ZNF407: variants seen among roughly 807,000 people sequenced by gnomAD.
The protein encoded by ZNF407 is zinc finger protein 407.
A neutral mutation model predicts 131.2 loss-of-function variants in ZNF407; 17 were observed. The observed-to-expected ratio is 0.13, with a 90% CI of 0.09 to 0.19. The LOEUF is 0.19. Among genes scored for constraint, ZNF407 ranks in the 10% least tolerant of loss-of-function variants. The pLI is 1.00. For missense variants in ZNF407, 2,681 were observed against 2,830.6 expected (o/e 0.95, Z 1.20); for synonymous variants, 1,156 against 1,062.0 (o/e 1.09, Z -1.72).
intron 8 of ZNF407, among the ~76,000 whole-genome samples, chr18:74,939,269 A>G (rs1180225985): frequency 1.3e-5 from 2 of 152,208 alleles, no homozygotes; most frequent in Non-Finnish European, 2.9e-5. Context: ...TTGAAATATT[A>G]CACCTGAAAT....
At chr18:75,012,354 T>TGTATGTACACATAGTGTATGTACACAC (rs1972987299) in intron 8 of ZNF407, among the ~76,000 whole-genome samples, 1 of 97,492 alleles carries the variant, frequency 1.0e-5, no homozygotes, top group East Asian at 3.0e-4. Context: ...TATGTACACA[T>TGTATGTACACATAGTGTATGTACACAC]AGTGTATGTA....
At position 74,719,920 on chromosome 18, in the gene ZNF407, A is replaced by AT. The variant is rs1244149722; in HGVS notation, c.4803-61507dup. 6.6e-5 allele frequency among the ~76,000 whole-genome samples: 10 copies of AT among 152,160 alleles called. No individual in the cohort carries two copies. The South Asian group carries it at 2.1e-3, about 32-fold the overall frequency. On this transcript the variant is annotated intron_variant, in intron 3 of 8. Coordinates refer to ENST00000299687, the MANE Select transcript of ZNF407 (RefSeq NM_017757.3). ...CATTCATCTGTTGTTGGGCACCTTT[A>AT]TGTCTTGGCTATTGTGAATAGTGGT...
At chr18:74,800,624 A>C (rs1970003574) in intron 4 of ZNF407, among the ~76,000 whole-genome samples, 1 of 152,166 alleles carries the variant, frequency 6.6e-6, no homozygotes. Flanking sequence ...AATTATACGA[A>C]GATAATTGTT....
At chr18:74,939,208 C>T (rs1035248625) in intron 8 of ZNF407, among the ~76,000 whole-genome samples, 2 of 152,088 alleles carry the variant, frequency 1.3e-5, no homozygotes, top group Admixed American at 1.3e-4. Flanking sequence ...CATTTACATT[C>T]CACTTTACTC....
rs999626478 is a variant in ZNF407, at chr18:74,633,793, G to T, written c.2774G>T (p.Gly925Val). The stretch of plus-strand genomic sequence containing the variant: ...TCAGATATCATTGTTGGCCCTGAAG[G>T]GGGTAGCCTTGAAGCTGGTAAAAAG... ...HSSDIIVGPE[G>V]GSLEAGKKNA... is the part of the protein sequence containing the mutation. Residue 925 changes from glycine (G) to valine (V), a missense_variant, in exon 2 of 9, where the codon GGG becomes GTG. Gly to Val is a moderately radical substitution (Grantham distance 109, BLOSUM62 -3). Coordinates refer to ENST00000299687, the MANE Select transcript of ZNF407 (RefSeq NM_017757.3). 5.0e-6 allele frequency: 8 copies of T among 1,613,878 alleles called. No individual in the cohort carries two copies. The highest frequency in any genetic ancestry group is 2.2e-5 in the South Asian group (2 of 91,068).
At chr18:74,975,939 C>T (rs546705150) in intron 8 of ZNF407, among the ~76,000 whole-genome samples, 6 of 152,326 alleles carry the variant, frequency 3.9e-5, no homozygotes, top group Admixed American at 3.9e-4. Flanking sequence ...GGTTTCTCCT[C>T]ATGCCAATTT....
intron 4 of ZNF407, among the ~76,000 whole-genome samples, chr18:74,809,074 A>G (rs1970156319): frequency 6.6e-6 from 1 of 152,156 alleles, no homozygotes; most frequent in Non-Finnish European, 1.5e-5. Flanking sequence ...GATTTATAAC[A>G]AGTTATTTCC....
intron 8 of ZNF407, among the ~76,000 whole-genome samples, chr18:74,929,246 G>A (rs899156763): frequency 6.6e-6 from 1 of 152,256 alleles, no homozygotes; most frequent in African/African-American, 2.4e-5. Context: ...CCGCGCCAGC[G>A]CTTCCTTCCC....
At chr18:74,728,898 AG>A (rs1968224853) in intron 3 of ZNF407, among the ~76,000 whole-genome samples, 1 of 152,202 alleles carries the variant, frequency 6.6e-6, no homozygotes, top group Non-Finnish European at 1.5e-5. Flanking sequence ...AACACTAGCC[AG>A]CAGTATTGAG....
At chr18:74,659,338 G>A (rs1985613527) in intron 3 of ZNF407, among the ~76,000 whole-genome samples, 2 of 152,026 alleles carry the variant, frequency 1.3e-5, no homozygotes, top group East Asian at 1.9e-4. Context: ...CAGAATCTAT[G>A]CATATAAAAT....
chr18:74,823,689 C>T (rs1218474739), intron 4 of ZNF407, among the ~76,000 whole-genome samples: 9 of 152,298 alleles, frequency 5.9e-5, no homozygotes, highest in African/African-American at 9.6e-5. Context: ...GCACCCAATA[C>T]GGGAACACCC....
intron 4 of ZNF407, among the ~76,000 whole-genome samples, chr18:74,829,397 A>G (rs1044662558): frequency 1.3e-5 from 2 of 152,202 alleles, no homozygotes; most frequent in African/African-American, 4.8e-5. Context: ...AGCTGTTGTC[A>G]TAGTTCAATG....
chr18:74,726,167 T>G (rs1483610140), intron 3 of ZNF407, among the ~76,000 whole-genome samples: 1 of 152,168 alleles, frequency 6.6e-6, no homozygotes, highest in East Asian at 1.9e-4. Flanking sequence ...AGCTGTCCCC[T>G]TCCACTCAGC....
chr18:74,871,428 G>A (rs1380570483), intron 4 of ZNF407, among the ~76,000 whole-genome samples: 1 of 152,082 alleles, frequency 6.6e-6, no homozygotes, highest in African/African-American at 2.4e-5. Context: ...ACATTGAGCT[G>A]TTTTGCTAGG....
intron 8 of ZNF407, among the ~76,000 whole-genome samples, chr18:74,953,349 G>A (rs144715104): frequency 1.7e-3 from 265 of 152,340 alleles, no homozygotes; most frequent in African/African-American, 5.8e-3. Flanking sequence ...TGCAGGAGCA[G>A]CAACCAACGC....
chr18:74,913,023 C>T (rs2145226638), intron 7 of ZNF407, among the ~76,000 whole-genome samples: 1 of 152,300 alleles, frequency 6.6e-6, no homozygotes, highest in African/African-American at 2.4e-5. Context: ...ATTGTTTACC[C>T]ACCACATGGG....
intron 4 of ZNF407, among the ~76,000 whole-genome samples, chr18:74,822,551 G>T (rs979369312): frequency 6.6e-6 from 1 of 152,064 alleles, no homozygotes; most frequent in South Asian, 2.1e-4. Flanking sequence ...TTTTTGTCAG[G>T]TTTGTCAAAG....
chr18:74,778,508 CTG>C (rs567234424), intron 3 of ZNF407, among the ~76,000 whole-genome samples: 72 of 151,916 alleles, frequency 4.7e-4, no homozygotes, highest in Non-Finnish European at 9.6e-4. Flanking sequence ...TCCTTGTTGT[CTG>C]TGTCTCTCAC....
intron 3 of ZNF407, among the ~76,000 whole-genome samples, chr18:74,645,127 T>C (rs1422537371): frequency 6.6e-6 from 1 of 152,098 alleles, no homozygotes; most frequent in African/African-American, 2.4e-5. Flanking sequence ...TGTTGATTAT[T>C]GCATTTACTT....
Sources: gnomAD v4.1 joint callset for allele counts (sites outside exome capture counted in the v4.1 genomes callset) on GRCh38, gnomAD v4.1.1 for gene constraint, MANE v1.5 for transcripts, NCBI Gene and HGNC (gene_info 2026-07-23, HGNC 2026-07-21) for gene names.